LSAMP: variants seen among roughly 807,000 people sequenced by gnomAD.
LSAMP encodes the protein limbic system-associated membrane protein.
Under a neutral mutation model 38.6 loss-of-function variants are expected in LSAMP, and 7 were observed. The observed-to-expected ratio is 0.18, with a 90% confidence interval of 0.10 to 0.34. The LOEUF (loss-of-function observed/expected upper bound fraction) is 0.34, where lower values mean the gene tolerates loss of function less well. LSAMP is among the 10% of genes least tolerant of loss of function. The pLI, the probability that LSAMP is intolerant of heterozygous loss-of-function variation, is 1.00. For missense variants in LSAMP, 313 were observed against 420.0 expected (o/e 0.75, Z 2.23); for synonymous variants, 154 against 166.8 (o/e 0.92, Z 0.59).
chr3:116,066,262 T>C (rs1707426113), intron 2 of LSAMP, among the ~76,000 whole-genome samples: 1 of 152,192 alleles, frequency 6.6e-6, no homozygotes, highest in African/African-American at 2.4e-5. Context: ...GCCTAATCAC[T>C]TCCCAAATAC....
intron 1 of LSAMP, among the ~76,000 whole-genome samples, chr3:116,394,893 T>C (rs2048748742): frequency 6.6e-6 from 1 of 152,198 alleles, no homozygotes; most frequent in Admixed American, 6.5e-5. Flanking sequence ...TGTCGATACA[T>C]AGTTGCATTT....
chr3:116,251,611 A>G (rs2046686203), intron 1 of LSAMP, among the ~76,000 whole-genome samples: 2 of 152,224 alleles, frequency 1.3e-5, no homozygotes. Context: ...AACTAAATGG[A>G]GCTGAGCAAA....
Position 116,128,053 on chromosome 3 carries a change from T to C in LSAMP, c.156-41497A>G, listed in dbSNP as rs543851026. Among the ~76,000 whole-genome samples, 8 of 152,284 alleles carry C rather than the reference T, an allele frequency of 5.3e-5. No homozygotes were observed. In the East Asian group the frequency reaches 1.4e-3, roughly 26 times the overall value. ...GTATTTTTATTGGCTTGTTTTAATT[T>C]GAATGCCTGGTTGGATGTAATTGTC... On this transcript the variant is annotated intron_variant, in intron 1 of 6. Coordinates refer to ENST00000490035, the MANE Select transcript of LSAMP (RefSeq NM_002338.5).
chr3:116,419,627 T>A (rs2107852668), intron 1 of LSAMP, among the ~76,000 whole-genome samples: 1 of 152,246 alleles, frequency 6.6e-6, no homozygotes, highest in East Asian at 1.9e-4. Flanking sequence ...AATCTTTTTT[T>A]AAAATCCAAA....
intron 3 of LSAMP, among the ~76,000 whole-genome samples, chr3:115,984,776 G>C (rs368019191): frequency 6.6e-6 from 1 of 152,176 alleles, no homozygotes. Flanking sequence ...TTACAGTAAA[G>C]TTATGCATAC....
chr3:115,884,048 A>G (rs762500825), intron 3 of LSAMP, among the ~76,000 whole-genome samples: 2 of 152,084 alleles, frequency 1.3e-5, no homozygotes, highest in African/African-American at 2.4e-5. Flanking sequence ...TAGTAATTGG[A>G]AAATTTGAAC....
intron 1 of LSAMP, among the ~76,000 whole-genome samples, chr3:116,359,016 C>T (rs1213114525): frequency 6.6e-6 from 1 of 152,088 alleles, no homozygotes; most frequent in Non-Finnish European, 1.5e-5. Flanking sequence ...TTATTTTTGT[C>T]ATACTAAACT....
rs775796197 is a variant in LSAMP, at chr3:115,988,310, A to T, written c.514+31205T>A. Among the ~76,000 whole-genome samples the T allele has an allele frequency of 2.6e-4, 39 of 152,236 alleles. No homozygotes were observed. In the Middle Eastern group the frequency reaches 0.01, roughly 40 times the overall value. On this transcript the variant is annotated intron_variant, in intron 3 of 6. Transcript: ENST00000490035. Reference sequence around the variant, plus strand: ...CTCTTTTTACATAGTGTTTAATTTGATTTCATGTGCACACAGAAGCAAGCA... The same window carrying T: ...CTCTTTTTACATAGTGTTTAATTTGTTTTCATGTGCACACAGAAGCAAGCA...
chr3:115,853,034 C>T (rs191410647), intron 3 of LSAMP, among the ~76,000 whole-genome samples: 196 of 152,244 alleles, frequency 1.3e-3, no homozygotes, highest in African/African-American at 4.5e-3. Context: ...TTAAGGGTTT[C>T]GAACAAAGTG....
intron 1 of LSAMP, among the ~76,000 whole-genome samples, chr3:116,359,148 C>T (rs1280280420): frequency 6.6e-6 from 1 of 152,160 alleles, no homozygotes; most frequent in South Asian, 2.1e-4. Flanking sequence ...GTTTATGATA[C>T]ATACTACTTT....
intron 3 of LSAMP, among the ~76,000 whole-genome samples, chr3:116,012,654 G>T (rs994852608): frequency 6.6e-6 from 1 of 152,110 alleles, no homozygotes; most frequent in Non-Finnish European, 1.5e-5. Context: ...TAACTTGGAT[G>T]TTAGCTTTTT....
At chr3:116,038,929 A>G (rs1270446152) in intron 2 of LSAMP, among the ~76,000 whole-genome samples, 1 of 152,206 alleles carries the variant, frequency 6.6e-6, no homozygotes, top group East Asian at 1.9e-4. Context: ...GCAGCATTAG[A>G]ATACTTTGCA....
chr3:116,154,032 G>A (rs1030921802), intron 1 of LSAMP, among the ~76,000 whole-genome samples: 1 of 152,080 alleles, frequency 6.6e-6, no homozygotes, highest in Admixed American at 6.6e-5. Context: ...AATAGTCTAT[G>A]ACATAAGCAA....
chr3:116,383,969 T>C (rs1541871), intron 1 of LSAMP, among the ~76,000 whole-genome samples: 131,025 of 152,070 alleles, frequency 0.86, 56,637 homozygotes, highest in East Asian at 0.95. Flanking sequence ...ATCTAACTAG[T>C]ACTTTCCTCC....
chr3:115,914,875 A>G (rs1278623876), intron 3 of LSAMP, among the ~76,000 whole-genome samples: 2 of 152,186 alleles, frequency 1.3e-5, no homozygotes, highest in Non-Finnish European at 1.5e-5. Context: ...ATTCTTTTGC[A>G]CTGCTGGGAA....
intron 3 of LSAMP, among the ~76,000 whole-genome samples, chr3:115,907,380 G>T (rs1376628425): frequency 2.0e-5 from 3 of 151,612 alleles, no homozygotes; most frequent in Non-Finnish European, 2.9e-5. Context: ...GAGGTAGCTT[G>T]TTTGCCCCAT....
intron 1 of LSAMP, among the ~76,000 whole-genome samples, chr3:116,104,063 G>T (rs146946044): frequency 4.6e-5 from 7 of 152,092 alleles, no homozygotes; most frequent in Non-Finnish European, 1.0e-4. Flanking sequence ...TTCTCTAAGT[G>T]AGCCCACGTA....
At chr3:116,233,651 T>C (rs1241338908) in intron 1 of LSAMP, among the ~76,000 whole-genome samples, 1 of 151,934 alleles carries the variant, frequency 6.6e-6, no homozygotes, top group Non-Finnish European at 1.5e-5. Context: ...CCTCTGATAA[T>C]CATCAAGCTA....
chr3:116,192,774 T>C (rs988366875), intron 1 of LSAMP, among the ~76,000 whole-genome samples: 2 of 152,228 alleles, frequency 1.3e-5, no homozygotes, highest in African/African-American at 4.8e-5. Flanking sequence ...CAGTGGTTTT[T>C]CTTTTGAAGC....
Sources: gnomAD v4.1 joint callset for allele counts (sites outside exome capture counted in the v4.1 genomes callset) on GRCh38, gnomAD v4.1.1 for gene constraint, MANE v1.5 for transcripts, NCBI Gene and HGNC (gene_info 2026-07-23, HGNC 2026-07-21) for gene names.